Variants in AGBL1 observed in about 807,000 individuals in gnomAD.
AGBL1 encodes AGBL carboxypeptidase 1.
A neutral mutation model predicts 118.9 loss-of-function variants in AGBL1; 130 were observed. The observed-to-expected ratio is 1.09, with a 90% confidence interval of 0.95 to 1.26. The LOEUF (loss-of-function observed/expected upper bound fraction) is 1.26. Among genes scored for constraint, AGBL1 ranks in the 50% most tolerant of loss-of-function variants. The pLI, the probability that AGBL1 is intolerant of heterozygous loss-of-function variation, is 0.00. For missense variants in AGBL1, 1,584 were observed against 1,298.1 expected (o/e 1.22, Z -3.38); for synonymous variants, 555 against 478.9 (o/e 1.16, Z -2.08).
At chr15:86,229,884 T>G (rs1455007982) in intron 6 of AGBL1, among the ~76,000 whole-genome samples, 1 of 152,182 alleles carries the variant, frequency 6.6e-6, no homozygotes, top group Non-Finnish European at 1.5e-5. Flanking sequence ...CGCCTTCTGG[T>G]TCAGGCCCTA....
At chr15:86,115,246 G>C (rs1897681527) in intron 1 of AGBL1, among the ~76,000 whole-genome samples, 1 of 152,182 alleles carries the variant, frequency 6.6e-6, no homozygotes, top group African/African-American at 2.4e-5. Context: ...TAAAGTCACA[G>C]TGGTGGATTG....
chr15:86,095,608 A>G (rs1367532086), intron 1 of AGBL1, among the ~76,000 whole-genome samples: 2 of 121,944 alleles, frequency 1.6e-5, no homozygotes, highest in African/African-American at 6.4e-5. Flanking sequence ...CCAAATATAT[A>G]TTTTTTACCA....
chr15:86,423,240 G>A (rs752618104), intron 18 of AGBL1, among the ~76,000 whole-genome samples: 3 of 152,264 alleles, frequency 2.0e-5, no homozygotes, highest in East Asian at 1.9e-4. Context: ...TATCCACCAC[G>A]ATAAAGTCAC....
chr15:86,286,749 A>ATATATATATATATATATAT (rs60775713), intron 16 of AGBL1, among the ~76,000 whole-genome samples: 6 of 145,384 alleles, frequency 4.1e-5, no homozygotes, highest in East Asian at 2.0e-4. Context: ...ATATATATAT[A>ATATATATATATATATATAT]AAACTCCATC....
At chr15:86,547,762 G>A (rs1238891829) in intron 20 of AGBL1, among the ~76,000 whole-genome samples, 3 of 152,232 alleles carry the variant, frequency 2.0e-5, no homozygotes, top group African/African-American at 7.2e-5. Context: ...TCAGTTGTCT[G>A]AGCCTCACTT....
intron 5 of AGBL1, among the ~76,000 whole-genome samples, chr15:86,162,821 T>A (rs544396988): frequency 3.9e-5 from 6 of 152,310 alleles, no homozygotes; most frequent in African/African-American, 1.4e-4. Context: ...GCATTCCCTC[T>A]TCTTCCCCAG....
intron 22 of AGBL1, among the ~76,000 whole-genome samples, chr15:86,759,161 G>T (rs915354533): frequency 1.3e-5 from 2 of 151,928 alleles, no homozygotes; most frequent in African/African-American, 2.4e-5. Flanking sequence ...CAGGATTCAT[G>T]TTTAGTTCAG....
At chr15:86,592,492 C>A (rs1398029106) in intron 21 of AGBL1, among the ~76,000 whole-genome samples, 1 of 152,182 alleles carries the variant, frequency 6.6e-6, no homozygotes, top group African/African-American at 2.4e-5. Context: ...TCCAGAGTTT[C>A]CATTTCTCTT....
At chr15:86,176,797 G>A (rs886074555) in intron 5 of AGBL1, among the ~76,000 whole-genome samples, 5 of 152,178 alleles carry the variant, frequency 3.3e-5, no homozygotes, top group African/African-American at 1.2e-4. Context: ...ACTCTAGGCA[G>A]CTTCATATAC....
intron 22 of AGBL1, among the ~76,000 whole-genome samples, chr15:86,689,142 A>G (rs1413366527): frequency 2.0e-5 from 3 of 152,172 alleles, no homozygotes; most frequent in East Asian, 1.9e-4. Flanking sequence ...CCTGAGACGC[A>G]TCAGTTCTAA....
chr15:86,769,175 G>GA (rs762248626), intron 22 of AGBL1, among the ~76,000 whole-genome samples: 12,893 of 81,306 alleles, frequency 0.16, 764 homozygotes, highest in East Asian at 0.26. Flanking sequence ...CATTTTGAGA[G>GA]GGAGAGAGAG....
intron 21 of AGBL1, among the ~76,000 whole-genome samples, chr15:86,558,636 A>G (rs2083770962): frequency 6.6e-6 from 1 of 152,184 alleles, no homozygotes; most frequent in Non-Finnish European, 1.5e-5. Flanking sequence ...ATTATAAAAC[A>G]TGCATGCTGG....
chr15:86,730,130 G>A (rs984129950), intron 22 of AGBL1, among the ~76,000 whole-genome samples: 1 of 152,142 alleles, frequency 6.6e-6, no homozygotes, highest in African/African-American at 2.4e-5. Context: ...GTTAAATCAA[G>A]ATGAATTAAA....
intron 20 of AGBL1, among the ~76,000 whole-genome samples, chr15:86,552,388 AG>A (rs1273714938): frequency 2.6e-5 from 4 of 152,230 alleles, no homozygotes; most frequent in Non-Finnish European, 5.9e-5. Context: ...AAAAAGGAAA[AG>A]TCACTTAAAC....
chr15:86,796,019 G>A (rs559256393), intron 22 of AGBL1, among the ~76,000 whole-genome samples: 3 of 152,126 alleles, frequency 2.0e-5, no homozygotes, highest in East Asian at 1.9e-4. Context: ...AGACTATGCA[G>A]CAGTCTTCTT....
chr15:86,323,995 G>T (rs1413093782), intron 17 of AGBL1, among the ~76,000 whole-genome samples: 1 of 152,172 alleles, frequency 6.6e-6, no homozygotes, highest in East Asian at 1.9e-4. Flanking sequence ...ATGGTGATGT[G>T]CACAGAGAAG....
chr15:86,976,728 A>AT (rs372958085), intron 23 of AGBL1, among the ~76,000 whole-genome samples: 47 of 151,652 alleles, frequency 3.1e-4, no homozygotes, highest in Non-Finnish European at 4.3e-4. Flanking sequence ...AAATTTGTAG[A>AT]TTTTTTTTTA....
chr15:86,782,470 G>A (rs899552531), intron 22 of AGBL1, among the ~76,000 whole-genome samples: 1 of 152,126 alleles, frequency 6.6e-6, no homozygotes, highest in Non-Finnish European at 1.5e-5. Flanking sequence ...GAAATGCTAT[G>A]TAATCTGCTC....
Position 87,014,013 on chromosome 15 carries a change from A to G in AGBL1, c.3324-14812A>G, listed in dbSNP as rs528513518. On this transcript the variant is annotated intron_variant, in intron 24 of 24. Transcript: ENST00000441037. Reference sequence around the variant, plus strand: ...AGTCCAACTTATAGGGTTAATATGAATTATCAAAAAATACCTTTAATGTAC... The same window carrying G: ...AGTCCAACTTATAGGGTTAATATGAGTTATCAAAAAATACCTTTAATGTAC... Among the ~76,000 whole-genome samples the G allele has an allele frequency of 6.6e-5, 10 of 152,306 alleles. No individual in the cohort carries two copies. In the South Asian group the frequency reaches 2.1e-3, roughly 32 times the overall value.
Sources: allele counts gnomAD v4.1 joint callset (sites outside exome capture counted in the v4.1 genomes callset), GRCh38; gene constraint gnomAD v4.1.1; transcripts MANE v1.5; gene names NCBI Gene and HGNC (gene_info 2026-07-23, HGNC 2026-07-21).